The following MAN1A1 variants were observed in gnomAD, a reference collection of about 807,000 sequenced individuals.
MAN1A1 encodes mannosyl-oligosaccharide 1,2-alpha-mannosidase IA.
MAN1A1 carries 29 observed loss-of-function variants against 70.8 expected under a neutral mutation model. The observed-to-expected ratio is 0.41, with a 90% CI of 0.31 to 0.56. MAN1A1 has a LOEUF of 0.56. Among genes scored for constraint, MAN1A1 ranks in the 20% least tolerant of loss-of-function variants. The pLI is 0.29. For synonymous variants in MAN1A1, 349 were observed against 330.1 expected (o/e 1.06, Z -0.62); for missense variants, 747 against 841.3 (o/e 0.89, Z 1.39).
At chr6:119,278,740 G>T (rs997466638) in intron 5 of MAN1A1, among the ~76,000 whole-genome samples, 53 of 152,192 alleles carry the variant, frequency 3.5e-4, no homozygotes, top group African/African-American at 1.3e-3. Context: ...GCTTGGTGGC[G>T]TTCCCTTGGT....
Position 119,189,777 on chromosome 6 carries a change from G to A in MAN1A1, c.1433C>T (p.Ala478Val). 1 of 1,614,120 alleles carries A rather than the reference G, an allele frequency of 6.2e-7. No individual in the cohort carries two copies. Among genetic ancestry groups the A allele is most frequent in the Non-Finnish European group, 8.5e-7 (1 of 1,180,004 alleles). Residue 478 changes from alanine (A) to valine (V), a missense_variant, in exon 10 of 13, where the codon GCG becomes GTG. Ala to Val is a moderately conservative substitution (Grantham distance 64, BLOSUM62 0). Around this residue, in one of 2 missense-constraint regions of MAN1A1, gnomAD observed 419 missense variants for 548.2 expected, o/e 0.76. Transcript: ENST00000368468. ...AGCCCCGAGTGCGAACATGCCCCCCGCGAAGCAGGTCAGGTGGCCCATCTT... is the reference window on the plus strand; with the variant it reads ...AGCCCCGAGTGCGAACATGCCCCCCACGAAGCAGGTCAGGTGGCCCATCTT... ...EHKMGHLTCFAGGMFALGADA... is the reference protein window; with the variant it reads ...EHKMGHLTCFVGGMFALGADA...
chr6:119,239,642 CA>C (rs1774950227), intron 6 of MAN1A1, among the ~76,000 whole-genome samples: 1 of 152,172 alleles, frequency 6.6e-6, no homozygotes, highest in Admixed American at 6.5e-5. Context: ...ACCATGTATT[CA>C]AACTATTTCA....
chr6:119,188,298 G>T lies in MAN1A1; in HGVS notation c.1719+107C>A, dbSNP rs773201884. On this transcript the variant is annotated intron_variant, in intron 11 of 12. Coordinates refer to ENST00000368468, the MANE Select transcript of MAN1A1 (RefSeq NM_005907.4). ...GTCCTGGGTGGAAAAAATCCTGGTC[G>T]AAGCATTAAAAATTATAGAAAAGTT... The T allele has an allele frequency of 4.7e-6, 5 of 1,058,520 alleles. No individual in the cohort carries two copies. The African/African-American group carries it at 6.4e-5, about 14-fold the overall frequency. The allele number at this position is 1,058,520 out of a possible 1,614,324, so 65.6% of individuals were successfully genotyped here. A position where few individuals can be genotyped will look rare whatever the true frequency, so the allele number is the denominator to read the frequency against.
chr6:119,203,238 GCTAT>G (rs1773765025), intron 7 of MAN1A1, among the ~76,000 whole-genome samples: 1 of 152,176 alleles, frequency 6.6e-6, no homozygotes, highest in Admixed American at 6.5e-5. Flanking sequence ...ATGTGGAGAG[GCTAT>G]CCCATGTTAG....
intron 3 of MAN1A1, among the ~76,000 whole-genome samples, chr6:119,306,143 T>C (rs1227713021): frequency 6.6e-6 from 1 of 152,212 alleles, no homozygotes; most frequent in Non-Finnish European, 1.5e-5. Context: ...AAGTGTTCTA[T>C]TGTTGAATTC....
At chr6:119,335,807 T>C (rs1177958578) in intron 2 of MAN1A1, among the ~76,000 whole-genome samples, 2 of 152,228 alleles carry the variant, frequency 1.3e-5, no homozygotes, top group African/African-American at 4.8e-5. Context: ...ATAGTAACTA[T>C]GTAAGTTTTG....
At chr6:119,294,152 T>C (rs778035343) in intron 4 of MAN1A1, among the ~76,000 whole-genome samples, 2 of 152,076 alleles carry the variant, frequency 1.3e-5, no homozygotes, top group Non-Finnish European at 2.9e-5. Flanking sequence ...AAAATCCTCT[T>C]TTGAAATATA....
intron 6 of MAN1A1, among the ~76,000 whole-genome samples, chr6:119,245,822 A>G (rs1192262925): frequency 1.3e-5 from 2 of 152,170 alleles, no homozygotes; most frequent in East Asian, 3.8e-4. Context: ...ATTATTTTTC[A>G]CCACATGCAA....
chr6:119,348,753 G>T lies in MAN1A1; in HGVS notation c.313C>A (p.Arg105Ser). 1 of 1,557,402 alleles carries T rather than the reference G, an allele frequency of 6.4e-7. No homozygotes were observed. Among genetic ancestry groups the T allele is most frequent in the South Asian group, 1.2e-5 (1 of 84,774 alleles). The change falls in exon 2 of 13, where the codon CGC (arginine) becomes AGC (serine). Residue 105 changes from arginine (R) to serine (S), a missense_variant. By Grantham distance (110) the Arg-to-Ser change is moderately radical. Transcript: ENST00000368468. ...GGGTCCCCGGGTGCCCCCTCCTCGC[G>T]GCGCCGGGCTCGCCCCTCGGCCGCG... ...EDAAEGRARR[R>S]EEGAPGDPEA...
At chr6:119,249,816 T>G (rs1409458448) in intron 5 of MAN1A1, among the ~76,000 whole-genome samples, 1 of 152,100 alleles carries the variant, frequency 6.6e-6, no homozygotes, top group Non-Finnish European at 1.5e-5. Context: ...AAAAAAAAAT[T>G]TTTTTTAAAT....
At chr6:119,256,812 C>T (rs1582741100) in intron 5 of MAN1A1, among the ~76,000 whole-genome samples, 1 of 152,118 alleles carries the variant, frequency 6.6e-6, no homozygotes, top group African/African-American at 2.4e-5. Context: ...ACAGGACAGG[C>T]TTATTTTAAG....
intron 2 of MAN1A1, among the ~76,000 whole-genome samples, chr6:119,308,870 C>T (rs112774781): frequency 2.5e-4 from 38 of 152,194 alleles, no homozygotes; most frequent in Non-Finnish European, 4.4e-4. Context: ...AAAAAAGTTA[C>T]GATAATTTGT....
intron 6 of MAN1A1, among the ~76,000 whole-genome samples, chr6:119,224,321 A>T (rs1479751465): frequency 1.3e-5 from 2 of 152,228 alleles, no homozygotes; most frequent in African/African-American, 4.8e-5. Context: ...GGATACAGGA[A>T]GCGAAATCCT....
At chr6:119,262,570 G>A (rs550286123) in intron 5 of MAN1A1, among the ~76,000 whole-genome samples, 11 of 152,194 alleles carry the variant, frequency 7.2e-5, no homozygotes, top group African/African-American at 2.6e-4. Context: ...AAAGTAGTTT[G>A]GTGATTTCTC....
chr6:119,334,257 T>G (rs899103038), intron 2 of MAN1A1, among the ~76,000 whole-genome samples: 1 of 152,180 alleles, frequency 6.6e-6, no homozygotes, highest in African/African-American at 2.4e-5. Flanking sequence ...CCTAGGGGGA[T>G]TTTAAAAAGC....
rs773135437 is a variant in MAN1A1 at position 119,201,333 on chromosome 6, T to A, written c.1131A>T (p.Arg377=). The A allele has an allele frequency of 1.1e-5, 17 of 1,609,668 alleles. No homozygotes were observed. The highest frequency in any genetic ancestry group is 6.6e-5 in the South Asian group (6 of 90,988). The part of the protein sequence containing the change: ...PIFAEKVMNI[R]TVLNKLEKPQ... ...GTTTTTCCAGTTTGTTCAGTACTGT[T>A]CGAATATTCATTACCTATAATAGAA... The change falls in exon 8 of 13, where the codon CGA becomes CGT. Residue 377 remains arginine, a synonymous_variant. Transcript: ENST00000368468.
rs78891663 is a variant in MAN1A1 at position 119,184,011 on chromosome 6, A to T, written c.1720-3584T>A. Among the ~76,000 whole-genome samples the T allele has an allele frequency of 4.9e-3, 673 of 138,234 alleles. 1 individual carries two copies. The highest frequency in any genetic ancestry group is 0.015 in the African/African-American group (601 of 39,940). 90.7% of individuals were successfully genotyped at this position (138,234 alleles called of 152,430 possible). A position where few individuals can be genotyped will look rare whatever the true frequency, so the allele number is the denominator to read the frequency against. ...GTTTTTGGTAAATTAAAAAAAAAAA[A>T]TTTTTTTTTAAAGGAAAAGCACCCA... On this transcript the variant is annotated intron_variant, in intron 11 of 12. Transcript: ENST00000368468.
intron 2 of MAN1A1, among the ~76,000 whole-genome samples, chr6:119,335,808 G>A (rs993169338): frequency 6.6e-6 from 1 of 152,242 alleles, no homozygotes; most frequent in African/African-American, 2.4e-5. Flanking sequence ...TAGTAACTAT[G>A]TAAGTTTTGT....
At chr6:119,229,307 G>C (rs1774610879) in intron 6 of MAN1A1, among the ~76,000 whole-genome samples, 1 of 152,002 alleles carries the variant, frequency 6.6e-6, no homozygotes, top group Non-Finnish European at 1.5e-5. Context: ...GGGAAGCAGT[G>C]TTATAATAAA....
Sources: gnomAD v4.1 joint callset for allele counts (sites outside exome capture counted in the v4.1 genomes callset) on GRCh38, gnomAD v4.1.1 for gene constraint, gnomAD v4.1.1 regional missense constraint, MANE v1.5 for transcripts, NCBI Gene and HGNC (gene_info 2026-07-23, HGNC 2026-07-21) for gene names.